FAF1: variants seen among roughly 807,000 people sequenced by gnomAD.
FAF1 encodes FAS-associated factor 1.
Under a neutral mutation model 92.5 loss-of-function variants are expected in FAF1, and 25 were observed. The observed-to-expected ratio is 0.27, with a 90% CI of 0.20 to 0.38. The LOEUF is 0.38. Among genes scored for constraint, FAF1 ranks in the 10% least tolerant of loss-of-function variants. FAF1 has a pLI of 1.00. For missense variants in FAF1, 636 were observed against 793.3 expected, an observed-to-expected ratio of 0.80 and a Z score of 2.38; for synonymous variants, 234 against 273.2, an observed-to-expected ratio of 0.86 and a Z score of 1.42.
intron 3 of FAF1, among the ~76,000 whole-genome samples, chr1:50,800,620 C>T (rs181676557): frequency 1.3e-5 from 2 of 152,270 alleles, no homozygotes; most frequent in Admixed American, 6.5e-5. Flanking sequence ...TTGCTTTCAT[C>T]TAAAAACCAT....
chr1:50,803,032 T>C (rs972439139), intron 2 of FAF1, among the ~76,000 whole-genome samples: 2 of 152,168 alleles, frequency 1.3e-5, no homozygotes, highest in Admixed American at 6.5e-5. Flanking sequence ...TAGATTAACA[T>C]AGACAATAGA....
rs1645304327 is a variant in FAF1 at position 50,960,064 on chromosome 1, A to T, written c.-253T>A. 2.5e-6 allele frequency: 1 copy of T among 394,948 alleles called. No individual in the cohort carries two copies. The highest frequency in any genetic ancestry group is 4.5e-6 in the Non-Finnish European group (1 of 223,838). 24.5% of individuals were successfully genotyped at this position (394,948 alleles called of 1,614,324 possible). On this transcript the variant is annotated 5_prime_UTR_variant, in exon 1 of 19. Transcript: ENST00000396153. Reference sequence around the variant, plus strand: ...CGGAGCCCGCGTCGCAGCAGCCCGGACAGGAAGATTGGTCTGGATGTGGGT... The same window carrying T: ...CGGAGCCCGCGTCGCAGCAGCCCGGTCAGGAAGATTGGTCTGGATGTGGGT...
intron 8 of FAF1, among the ~76,000 whole-genome samples, chr1:50,596,456 G>A (rs956301717): frequency 6.6e-6 from 1 of 152,118 alleles, no homozygotes; most frequent in Admixed American, 6.5e-5. Context: ...AAACTGGTAT[G>A]AGCCCAAAAT....
At chr1:50,920,209 G>A (rs1337865652) in intron 1 of FAF1, among the ~76,000 whole-genome samples, 3 of 151,900 alleles carry the variant, frequency 2.0e-5, no homozygotes, top group East Asian at 1.9e-4. Flanking sequence ...GCTGAGGCAG[G>A]AGAATCGCTT....
intron 4 of FAF1, among the ~76,000 whole-genome samples, chr1:50,770,270 A>T (rs1660731226): frequency 6.6e-6 from 1 of 152,224 alleles, no homozygotes; most frequent in Non-Finnish European, 1.5e-5. Flanking sequence ...ATCAGGCAAG[A>T]GAAAGAAATA....
chr1:50,558,020 T>C (rs1649675430), intron 13 of FAF1, among the ~76,000 whole-genome samples: 1 of 151,936 alleles, frequency 6.6e-6, no homozygotes, highest in Non-Finnish European at 1.5e-5. Context: ...TCAAGCAGCC[T>C]CCCAAGTAGC....
chr1:50,505,285 G>C (rs1647045789), intron 15 of FAF1, among the ~76,000 whole-genome samples: 1 of 152,078 alleles, frequency 6.6e-6, no homozygotes, highest in African/African-American at 2.4e-5. Flanking sequence ...AATGGACATG[G>C]AAATTCCTTA....
At chr1:50,872,046 C>CA (rs1644532245) in intron 1 of FAF1, among the ~76,000 whole-genome samples, 1 of 127,670 alleles carries the variant, frequency 7.8e-6, no homozygotes. Context: ...GCCTGGGCAA[C>CA]AGAGCCAGAC....
chr1:50,889,796 A>C (rs1332790281), intron 1 of FAF1, among the ~76,000 whole-genome samples: 2 of 152,046 alleles, frequency 1.3e-5, no homozygotes, highest in Middle Eastern at 3.2e-3. Context: ...TATGTGGTCA[A>C]TTTTGGAATA....
intron 1 of FAF1, among the ~76,000 whole-genome samples, chr1:50,863,964 C>T (rs1459511981): frequency 6.6e-6 from 1 of 151,994 alleles, no homozygotes; most frequent in Non-Finnish European, 1.5e-5. Flanking sequence ...TTATCCATTT[C>T]TTCTAGATTT....
intron 4 of FAF1, among the ~76,000 whole-genome samples, chr1:50,766,791 CAAAA>C (rs765570305): frequency 3.2e-5 from 2 of 61,932 alleles, no homozygotes; most frequent in African/African-American, 1.2e-4. Flanking sequence ...AGCAAGCAAG[CAAAA>C]AAAAAAAAAA....
chr1:50,818,924 A>C (rs1644004340), intron 2 of FAF1, among the ~76,000 whole-genome samples: 1 of 152,202 alleles, frequency 6.6e-6, no homozygotes. Flanking sequence ...TTATACACAT[A>C]GTCTGAAGTT....
chr1:50,664,807 A>C (rs576171254), intron 7 of FAF1, among the ~76,000 whole-genome samples: 1 of 152,230 alleles, frequency 6.6e-6, no homozygotes, highest in East Asian at 1.9e-4. Flanking sequence ...TAAACAAACA[A>C]ACAAACAAAC....
chr1:50,949,366 C>T (rs562420193), intron 1 of FAF1, among the ~76,000 whole-genome samples: 2 of 152,338 alleles, frequency 1.3e-5, no homozygotes, highest in African/African-American at 2.4e-5. Flanking sequence ...TACTATCGGG[C>T]GATGCCTGTG....
chr1:50,819,704 CATATATATATACGTATATATATATACAT>C (rs1644017268), intron 2 of FAF1, among the ~76,000 whole-genome samples: 2 of 39,888 alleles, frequency 5.0e-5, no homozygotes, highest in Admixed American at 3.8e-4. Flanking sequence ...TATATATATA[CATATATATATACGTATATATATATACAT>C]ATATATACAT....
intron 1 of FAF1, among the ~76,000 whole-genome samples, chr1:50,942,058 C>T (rs907016076): frequency 2.0e-5 from 3 of 152,186 alleles, no homozygotes; most frequent in African/African-American, 7.2e-5. Context: ...TTGTTACTAT[C>T]TGTCATTAGA....
intron 15 of FAF1, among the ~76,000 whole-genome samples, chr1:50,527,962 T>C (rs1253305058): frequency 4.0e-5 from 6 of 151,588 alleles, no homozygotes; most frequent in African/African-American, 1.5e-4. Flanking sequence ...CCTTGACCTC[T>C]TGAGCTTAAG....
At chr1:50,681,972 C>A (rs1363491131) in intron 7 of FAF1, among the ~76,000 whole-genome samples, 2 of 151,748 alleles carry the variant, frequency 1.3e-5, no homozygotes, top group Non-Finnish European at 2.9e-5. Flanking sequence ...TAGCTGGGAC[C>A]ACAGGCACGT....
At chr1:50,638,470 A>C (rs1221850840) in intron 8 of FAF1, among the ~76,000 whole-genome samples, 2 of 128,690 alleles carry the variant, frequency 1.6e-5, no homozygotes, top group African/African-American at 6.0e-5. Flanking sequence ...TTTGAGATGG[A>C]GTCACGCTCT....
Sources: gnomAD v4.1 joint callset for allele counts (sites outside exome capture counted in the v4.1 genomes callset) on GRCh38, gnomAD v4.1.1 for gene constraint, MANE v1.5 for transcripts, NCBI Gene and HGNC (gene_info 2026-07-23, HGNC 2026-07-21) for gene names.